ABI3BP: variants seen among roughly 807,000 people sequenced by gnomAD.
ABI3BP encodes ABI family member 3 binding protein.
A neutral mutation model predicts 268.6 loss-of-function variants in ABI3BP; 216 were observed. The ratio of observed to expected loss-of-function variants is 0.80; its 90% CI spans 0.72 to 0.90. ABI3BP has a LOEUF of 0.90. ABI3BP is among the 40% of genes least tolerant of loss of function. The pLI, the probability that ABI3BP is intolerant of heterozygous loss-of-function variation, is 0.00. For missense variants in ABI3BP, 2,090 were observed against 2,182.4 expected (o/e 0.96, Z 0.84); for synonymous variants, 730 against 730.0 (o/e 1.00, Z 0.00).
intron 18 of ABI3BP, 70 bp from the exon 19 acceptor site, chr3:100,847,743 C>T: frequency 8.0e-7 from 1 of 1,256,492 alleles, no homozygotes; most frequent in Admixed American, 1.7e-5. Flanking sequence ...TAAAGAGGAA[C>T]TAAATGATCC....
At chr3:100,799,355 A>C (rs887438138) in intron 51 of ABI3BP, among the ~76,000 whole-genome samples, 20 of 152,212 alleles carry the variant, frequency 1.3e-4, no homozygotes, top group African/African-American at 4.8e-4. Flanking sequence ...ATAGCAAAAC[A>C]TAACTTGTAC....
intron 63 of ABI3BP, among the ~76,000 whole-genome samples, chr3:100,764,588 C>T (rs1041351024): frequency 2.6e-5 from 4 of 152,176 alleles, no homozygotes; most frequent in African/African-American, 9.7e-5. Context: ...AAACTGGATG[C>T]CTTTCAATGA....
chr3:100,770,275 T>G (rs570151155), intron 62 of ABI3BP, among the ~76,000 whole-genome samples: 1 of 152,274 alleles, frequency 6.6e-6, no homozygotes, highest in African/African-American at 2.4e-5. Context: ...GGTAACAGAA[T>G]AAAAATTTCT....
At position 100,794,989 on chromosome 3, in the gene ABI3BP, G is replaced by T; in HGVS notation, c.3880C>A (p.Arg1294=). 1 of 1,545,774 alleles carries T rather than the reference G, an allele frequency of 6.5e-7. No individual in the cohort carries two copies. Among genetic ancestry groups the T allele is most frequent in the Non-Finnish European group, 8.7e-7 (1 of 1,148,936 alleles). The part of the protein sequence containing the change: ...PKTTIAPLET[R]GIPFIPMISP... ...ATCATGGGTATAAAAGGGATGCCTC[G>T]TGTCTCTAGAGGAGCTGCAAAAAGA... Residue 1294 remains arginine (R), a synonymous_variant, in exon 54 of 68, where the codon CGA becomes AGA. Coordinates refer to ENST00000471714, the MANE Select transcript of ABI3BP (RefSeq NM_001375547.2).
chr3:100,925,643 G>T (rs2061578237), intron 2 of ABI3BP, among the ~76,000 whole-genome samples: 1 of 151,742 alleles, frequency 6.6e-6, no homozygotes, highest in Admixed American at 6.6e-5. Context: ...AGAACTCCTT[G>T]GCTCGAGTGA....
intron 21 of ABI3BP, among the ~76,000 whole-genome samples, chr3:100,841,684 T>C (rs1172435319): frequency 6.6e-6 from 1 of 151,266 alleles, no homozygotes; most frequent in Non-Finnish European, 1.5e-5. Flanking sequence ...AGATCAGGAG[T>C]TTGAGACCAG....
chr3:100,788,669 C>A (rs987356822), intron 56 of ABI3BP, among the ~76,000 whole-genome samples: 23 of 151,948 alleles, frequency 1.5e-4, no homozygotes, highest in African/African-American at 5.6e-4. Flanking sequence ...GATTTCTGTG[C>A]CCAATTATCT....
At position 100,859,517 on chromosome 3, in the gene ABI3BP, T is replaced by C. The variant is rs146687809; in HGVS notation, c.1285+2794A>G. ...TTGCTTTAGGAAGCTGTGTGAGTAA[T>C]TGGAAAATAAAATACCTATTATGTA... On this transcript the variant is annotated intron_variant, in intron 14 of 67. Transcript: ENST00000471714. 9.9e-3 allele frequency among the ~76,000 whole-genome samples: 1,500 copies of C among 152,238 alleles called. 19 individuals are homozygous for C. The highest frequency in any genetic ancestry group is 0.034 in the African/African-American group (1,404 of 41,536).
intron 9 of ABI3BP, among the ~76,000 whole-genome samples, chr3:100,867,640 CAAAA>C (rs5851230): frequency 4.7e-5 from 3 of 64,222 alleles, no homozygotes; most frequent in Non-Finnish European, 8.2e-5. Flanking sequence ...GACCCCGTCT[CAAAA>C]AAAAAAAAAA....
At chr3:100,968,505 C>T (rs1196279149) in intron 1 of ABI3BP, among the ~76,000 whole-genome samples, 7 of 152,092 alleles carry the variant, frequency 4.6e-5, no homozygotes, top group South Asian at 2.1e-4. Flanking sequence ...ATCTTAAAAA[C>T]CATCTCACAA....
At chr3:100,972,827 C>T (rs1044278586) in intron 1 of ABI3BP, among the ~76,000 whole-genome samples, 1 of 152,184 alleles carries the variant, frequency 6.6e-6, no homozygotes, top group Non-Finnish European at 1.5e-5. Context: ...GCAAATGTTT[C>T]TACTAATTAA....
At chr3:100,816,287 C>A in intron 43 of ABI3BP, 1 of 441,940 alleles carries the variant, frequency 2.3e-6, no homozygotes, top group African/African-American at 2.0e-5. Context: ...TACGAAAATA[C>A]AGAGAGAAAT....
rs2098606422 is a variant in ABI3BP, at chr3:100,837,180, T to C, written c.2084-9A>G. The C allele has an allele frequency of 1.3e-6, 2 of 1,532,344 alleles. No homozygotes were observed. Among genetic ancestry groups the C allele is most frequent in the South Asian group, 1.2e-5 (1 of 83,336 alleles). The allele number at this position is 1,532,344 out of a possible 1,614,324, so 94.9% of individuals were successfully genotyped here. ...TGGAACAGGCTCAGAGACTGCATCA[T>C]AAAAAATAAACAGATATAAGTAATA... On this transcript the variant is annotated splice_polypyrimidine_tract_variant and intron_variant, in intron 26 of 67. Coordinates refer to ENST00000471714, the MANE Select transcript of ABI3BP (RefSeq NM_001375547.2).
chr3:100,878,696 T>G (rs1437607015), intron 6 of ABI3BP, among the ~76,000 whole-genome samples: 1 of 152,142 alleles, frequency 6.6e-6, no homozygotes, highest in Non-Finnish European at 1.5e-5. Context: ...ACAGAGATCC[T>G]TCCCCAGGGG....
chr3:100,846,444 G>A lies in ABI3BP; in HGVS notation c.1651C>T (p.Pro551Ser), dbSNP rs2098769382. 2 of 1,582,840 alleles carry A rather than the reference G, an allele frequency of 1.3e-6. No individual in the cohort carries two copies. Among genetic ancestry groups the A allele is most frequent in the Non-Finnish European group, 8.6e-7 (1 of 1,163,050 alleles). ...AGAGAAATAAATTGTGTTTTACCGGGAGCTGGAAAAATAAAGAAACAAAAT... is the reference window on the plus strand; with the variant it reads ...AGAGAAATAAATTGTGTTTTACCGGAAGCTGGAAAAATAAAGAAACAAAAT... ...SPEPTWTTPAPGKTQFISLKP... is the reference protein window; with the variant it reads ...SPEPTWTTPASGKTQFISLKP... Residue 551 changes from proline to serine, a missense_variant and splice_region_variant, in exon 20 of 68, where the codon CCC becomes TCC. Coordinates refer to ENST00000471714, the MANE Select transcript of ABI3BP (RefSeq NM_001375547.2).
In ABI3BP at chr3:100,813,734, A is replaced by C; in HGVS notation, c.3291T>G (p.Ala1097=). The change falls in exon 45 of 68, where the codon GCT becomes GCG. Residue 1097 remains alanine, a splice_region_variant and synonymous_variant. Coordinates refer to ENST00000471714, the MANE Select transcript of ABI3BP (RefSeq NM_001375547.2). ...AAATAAGAGTTTGCAGTTCAGTCAG[A>C]GCTGAAAGAAGAGGGTCTCAATTGT... ...HSTDAPGTTF[A]LTELQTLILK... The C allele has an allele frequency of 6.5e-7, 1 of 1,534,944 alleles. No homozygotes were observed. Among genetic ancestry groups the C allele is most frequent in the Non-Finnish European group, 8.7e-7 (1 of 1,146,020 alleles).
At chr3:100,752,647 G>A (rs939469722) in intron 66 of ABI3BP, 140 bp downstream of exon 66, 30 of 781,690 alleles carry the variant, frequency 3.8e-5, no homozygotes, top group Non-Finnish European at 5.2e-5. Flanking sequence ...AACTGTTTCC[G>A]TAACATTTTG....
intron 1 of ABI3BP, among the ~76,000 whole-genome samples, chr3:100,985,365 G>A (rs920538698): frequency 1.8e-4 from 28 of 151,666 alleles, no homozygotes; most frequent in African/African-American, 6.8e-4. Flanking sequence ...TAGCCAGGAT[G>A]GTCTCGATCC....
In ABI3BP at chr3:100,758,827, G is replaced by A. The variant is rs9865241; in HGVS notation, c.4851-4136C>T. On this transcript the variant is annotated intron_variant, in intron 63 of 67. Transcript: ENST00000471714. ...ACTAGGATTTCAAAAAGTGTGACCT[G>A]TGGCTCATGAGCAAAACTGTTAAGA... 6.6e-3 allele frequency among the ~76,000 whole-genome samples: 1,002 copies of A among 152,260 alleles called. 8 individuals carry two copies. The highest frequency in any genetic ancestry group is 0.022 in the African/African-American group (906 of 41,548).
Sources: allele counts gnomAD v4.1 joint callset (sites outside exome capture counted in the v4.1 genomes callset), GRCh38; gene constraint gnomAD v4.1.1; transcripts MANE v1.5; gene names NCBI Gene and HGNC (gene_info 2026-07-23, HGNC 2026-07-21).